Variants in SGCD observed in about 807,000 individuals in gnomAD.
The protein encoded by SGCD is sarcoglycan delta, also known as delta-sarcoglycan.
In SGCD, 18 loss-of-function variants were observed where a neutral mutation model predicts 36.6. That is an observed-to-expected ratio of 0.49 (90% CI 0.34 to 0.73). The LOEUF is 0.73. SGCD is among the 30% of genes least tolerant of loss of function. SGCD has a pLI of 0.01. For synonymous variants in SGCD, 133 were observed against 130.6 expected, an observed-to-expected ratio of 1.02 and a Z score of -0.12; for missense variants, 387 against 346.7, an observed-to-expected ratio of 1.12 and a Z score of -0.92.
chr5:156,427,121 G>T (rs1450412024), intron 3 of SGCD, among the ~76,000 whole-genome samples: 1 of 152,082 alleles, frequency 6.6e-6, no homozygotes, highest in Non-Finnish European at 1.5e-5. Context: ...TGAATCAGTA[G>T]ATTCCTTTGG....
Position 156,522,346 on chromosome 5 carries a change from A to G in SGCD, c.294+13644A>G, listed in dbSNP as rs182527809. ...ACCCTAGAACTTAAAGTATAATAAT[A>G]AAAAAGATACTAAAAAAGAAAATGT... On this transcript the variant is annotated intron_variant, in intron 4 of 8. Coordinates refer to ENST00000337851, the MANE Select transcript of SGCD (RefSeq NM_000337.6). 2.6e-5 allele frequency among the ~76,000 whole-genome samples: 4 copies of G among 152,294 alleles called. No homozygotes were observed. In the East Asian group the frequency reaches 7.7e-4, roughly 29 times the overall value.
intron 1 of SGCD, among the ~76,000 whole-genome samples, chr5:156,037,937 T>C: frequency 6.6e-6 from 1 of 152,114 alleles, no homozygotes; most frequent in East Asian, 1.9e-4. Flanking sequence ...AGGCAATGAA[T>C]AGAACAAATA....
In SGCD at chr5:155,882,966, T is replaced by C. The variant is rs376083156; in HGVS notation, c.-282+12542T>C. Among the ~76,000 whole-genome samples the C allele has an allele frequency of 9.2e-5, 14 of 152,334 alleles. No homozygotes were observed. The South Asian group carries it at 2.9e-3, about 32-fold the overall frequency. On this transcript the variant is annotated intron_variant, in intron 1 of 9. Coordinates refer to the SGCD transcript ENST00000517913. ...CACTGAAAATCCATACACTGTTTAG[T>C]GACTTCCTTAATGATCTCAGCTAGA...
chr5:155,971,710 CAA>C (rs1758009530), intron 1 of SGCD, among the ~76,000 whole-genome samples: 1 of 152,022 alleles, frequency 6.6e-6, no homozygotes, highest in South Asian at 2.1e-4. Flanking sequence ...GGGAATTGTC[CAA>C]AGTCACAGAA....
intron 1 of SGCD, among the ~76,000 whole-genome samples, chr5:155,947,628 G>T (rs142698506): frequency 2.6e-5 from 4 of 152,178 alleles, no homozygotes; most frequent in African/African-American, 7.2e-5. Context: ...GTATCCATCT[G>T]CCAGAGGGAG....
At chr5:156,695,691 C>G (rs1402841415) in intron 7 of SGCD, among the ~76,000 whole-genome samples, 1 of 152,186 alleles carries the variant, frequency 6.6e-6, no homozygotes, top group Non-Finnish European at 1.5e-5. Flanking sequence ...TTGCAAATTT[C>G]TGTAAACAGC....
chr5:156,373,801 G>A (rs1183140728), intron 3 of SGCD, among the ~76,000 whole-genome samples: 1 of 152,224 alleles, frequency 6.6e-6, no homozygotes, highest in Non-Finnish European at 1.5e-5. Flanking sequence ...CTCAGGCCAA[G>A]AGGGTGTGAC....
At chr5:156,382,046 G>T (rs911548399) in intron 3 of SGCD, among the ~76,000 whole-genome samples, 4 of 152,036 alleles carry the variant, frequency 2.6e-5, no homozygotes. Flanking sequence ...GTTGAAGTAT[G>T]TATGGTTTTA....
At chr5:156,285,528 C>T (rs1766569968) in intron 3 of SGCD, among the ~76,000 whole-genome samples, 1 of 152,098 alleles carries the variant, frequency 6.6e-6, no homozygotes, top group Non-Finnish European at 1.5e-5. Flanking sequence ...CACATATCTA[C>T]AACTATCTGA....
intron 7 of SGCD, among the ~76,000 whole-genome samples, chr5:156,707,359 CTATTA>C (rs1456836803): frequency 6.6e-6 from 1 of 152,112 alleles, no homozygotes. Context: ...TCTTCTTCAT[CTATTA>C]TAATTATTAC....
intron 1 of SGCD, among the ~76,000 whole-genome samples, chr5:156,009,344 T>A (rs1035849326): frequency 5.3e-5 from 8 of 152,180 alleles, no homozygotes; most frequent in African/African-American, 1.9e-4. Flanking sequence ...ATCCCCACAG[T>A]TGGAGGTGCC....
At chr5:156,592,855 A>G (rs1299535256) in intron 5 of SGCD, among the ~76,000 whole-genome samples, 1 of 152,122 alleles carries the variant, frequency 6.6e-6, no homozygotes, top group African/African-American at 2.4e-5. Flanking sequence ...GCTGGTGTGG[A>G]CACACTGGCA....
At chr5:156,708,745 C>T (rs924548995) in intron 7 of SGCD, among the ~76,000 whole-genome samples, 2 of 151,992 alleles carry the variant, frequency 1.3e-5, no homozygotes, top group African/African-American at 4.8e-5. Context: ...CGTGTGTGTG[C>T]GTGTGTGAGA....
chr5:156,464,412 G>A (rs763945666), intron 3 of SGCD, among the ~76,000 whole-genome samples: 5 of 151,942 alleles, frequency 3.3e-5, no homozygotes, highest in South Asian at 2.1e-4. Context: ...AATAGAGACA[G>A]GGTTTCACCA....
chr5:156,647,479 T>G lies in SGCD; in HGVS notation c.518T>G (p.Val173Gly), dbSNP rs1446901572. The G allele has an allele frequency of 4.4e-6, 7 of 1,585,626 alleles. No homozygotes were observed. The highest frequency in any genetic ancestry group is 6.0e-6 in the Non-Finnish European group (7 of 1,163,938). The change falls in exon 7 of 9, where the codon GTG (valine) becomes GGG (glycine). Residue 173 changes from valine (V) to glycine (G), a missense_variant. Physicochemically the swap from Val to Gly is moderately radical, Grantham distance 109. Transcript: ENST00000337851. ...TTGTTTACAGGAGCGGAGGGCACAG[T>G]GTTCCCTAAATCTATAGAAACACCT... is the stretch of plus-strand genomic sequence containing the variant. Reference protein sequence around the residue: ...RLRVLGAEGTVFPKSIETPNV... With the variant: ...RLRVLGAEGTGFPKSIETPNV...
rs777587966 is a variant in SGCD at position 156,120,243 on chromosome 5, A to T, written c.-208+2292A>T. Among the ~76,000 whole-genome samples the T allele has an allele frequency of 3.9e-5, 6 of 152,128 alleles. No homozygotes were observed. The South Asian group carries it at 1.2e-3, about 32-fold the overall frequency. On this transcript the variant is annotated intron_variant, in intron 2 of 9. Transcript: ENST00000517913. ...GTTGAAGGAGGGAAATAAAGCAGAA[A>T]GAGGTGTGTAGGGGTGGGAGGTGAG...
chr5:156,294,603 G>C (rs1766847719), intron 3 of SGCD, among the ~76,000 whole-genome samples: 1 of 152,122 alleles, frequency 6.6e-6, no homozygotes, highest in Non-Finnish European at 1.5e-5. Flanking sequence ...CATTGAGTAT[G>C]ATATTCACTG....
chr5:155,861,457 C>T, the SGCD span, among the ~76,000 whole-genome samples: 2 of 151,876 alleles, frequency 1.3e-5, no homozygotes, highest in African/African-American at 2.4e-5. Context: ...AATCCCAGTA[C>T]TTTGGGAGGC....
At chr5:156,623,321 C>G (rs767585466) in intron 6 of SGCD, among the ~76,000 whole-genome samples, 7 of 152,062 alleles carry the variant, frequency 4.6e-5, no homozygotes, top group Non-Finnish European at 7.3e-5. Flanking sequence ...TACAGGACAC[C>G]GTGATGAGGA....
Sources: gnomAD v4.1 joint callset for allele counts (sites outside exome capture counted in the v4.1 genomes callset) on GRCh38, gnomAD v4.1.1 for gene constraint, MANE v1.5 for transcripts, NCBI Gene and HGNC (gene_info 2026-07-23, HGNC 2026-07-21) for gene names.